The following SLC4A10 variants were observed in gnomAD, a reference collection of about 807,000 sequenced individuals.
The protein encoded by SLC4A10 is solute carrier family 4 member 10.
In SLC4A10, 42 loss-of-function variants were observed where a neutral mutation model predicts 137.7. The observed-to-expected ratio is 0.30, with a 90% CI of 0.24 to 0.39. SLC4A10 has a LOEUF of 0.39. SLC4A10 is among the 10% of genes least tolerant of loss of function. The pLI is 1.00. For synonymous variants in SLC4A10, 474 were observed against 464.1 expected (o/e 1.02, Z -0.27); for missense variants, 925 against 1,355.0 (o/e 0.68, Z 4.98).
At chr2:161,919,016 C>T (rs945682810) in intron 15 of SLC4A10, among the ~76,000 whole-genome samples, 2 of 152,218 alleles carry the variant, frequency 1.3e-5, no homozygotes, top group Admixed American at 1.3e-4. Flanking sequence ...GAAGCACTTG[C>T]TCCTGCTGTC....
intron 2 of SLC4A10, among the ~76,000 whole-genome samples, chr2:161,800,347 T>C (rs2055243382): frequency 6.6e-6 from 1 of 152,076 alleles, no homozygotes; most frequent in South Asian, 2.1e-4. Context: ...CTATCTATTA[T>C]ACTTGAAAAC....
intron 2 of SLC4A10, among the ~76,000 whole-genome samples, chr2:161,792,107 C>T (rs192362660): frequency 2.6e-5 from 4 of 152,234 alleles, no homozygotes. Flanking sequence ...GGCATAATAA[C>T]TCACTCACTA....
At chr2:161,765,638 G>A (rs1167038735) in intron 1 of SLC4A10, among the ~76,000 whole-genome samples, 1 of 151,324 alleles carries the variant, frequency 6.6e-6, no homozygotes, top group African/African-American at 2.4e-5. Flanking sequence ...GTATCCTGAT[G>A]GTGTACAAGG....
chr2:161,888,461 T>C (rs1038342036), intron 10 of SLC4A10, among the ~76,000 whole-genome samples: 1 of 152,210 alleles, frequency 6.6e-6, no homozygotes, highest in African/African-American at 2.4e-5. Flanking sequence ...TGTCCTCTCT[T>C]ATTTCCTCGA....
chr2:161,836,732 C>T (rs540439600), intron 3 of SLC4A10, among the ~76,000 whole-genome samples: 28 of 150,278 alleles, frequency 1.9e-4, no homozygotes, highest in African/African-American at 6.6e-4. Context: ...TAAACAAACA[C>T]CAAAACAAAA....
chr2:161,646,796 C>A (rs1266197772), intron 1 of SLC4A10, among the ~76,000 whole-genome samples: 1 of 151,880 alleles, frequency 6.6e-6, no homozygotes, highest in Admixed American at 6.6e-5. Context: ...TATTTTTTAT[C>A]CTTGACACAG....
intron 1 of SLC4A10, among the ~76,000 whole-genome samples, chr2:161,707,324 A>G (rs1031544745): frequency 4.0e-5 from 6 of 151,516 alleles, no homozygotes; most frequent in African/African-American, 1.5e-4. Flanking sequence ...GAGTGAAAGA[A>G]GGGAAACTAT....
intron 1 of SLC4A10, among the ~76,000 whole-genome samples, chr2:161,680,551 G>A (rs2040739115): frequency 6.6e-6 from 1 of 151,358 alleles, no homozygotes; most frequent in Non-Finnish European, 1.5e-5. Context: ...GTCAGATTAC[G>A]GAGGACCTTG....
chr2:161,891,308 G>A (rs1208051296), intron 10 of SLC4A10, among the ~76,000 whole-genome samples: 1 of 152,048 alleles, frequency 6.6e-6, no homozygotes, highest in Non-Finnish European at 1.5e-5. Flanking sequence ...TCTTTGTGGT[G>A]TTCTCTGTAT....
At chr2:161,966,616 G>A (rs1393200275) in intron 23 of SLC4A10, among the ~76,000 whole-genome samples, 2 of 151,960 alleles carry the variant, frequency 1.3e-5, no homozygotes, top group East Asian at 1.9e-4. Flanking sequence ...GGGCATGGTG[G>A]TGCACACCTG....
chr2:161,624,640 T>G, intron 1 of SLC4A10, 74 bp downstream of exon 1: 1 of 1,544,258 alleles, frequency 6.5e-7, no homozygotes, highest in South Asian at 1.2e-5. Context: ...GTCTGCTAGC[T>G]AGGTGCAGCG....
At chr2:161,895,659 A>G (rs1299372484) in intron 11 of SLC4A10, among the ~76,000 whole-genome samples, 6 of 152,140 alleles carry the variant, frequency 3.9e-5, no homozygotes, top group Admixed American at 1.3e-4. Flanking sequence ...TTCTCTGATG[A>G]CCAGTGATGA....
chr2:161,658,599 T>TTC (rs1277053792), intron 1 of SLC4A10, among the ~76,000 whole-genome samples: 8 of 147,704 alleles, frequency 5.4e-5, no homozygotes, highest in Non-Finnish European at 1.0e-4. Flanking sequence ...TAGTTTCCTT[T>TTC]TTTTTTTTTT....
chr2:161,808,541 A>G (rs763708464), intron 3 of SLC4A10, among the ~76,000 whole-genome samples: 1 of 151,966 alleles, frequency 6.6e-6, no homozygotes, highest in Non-Finnish European at 1.5e-5. Context: ...AGCACAGAGT[A>G]TAGTTTTACA....
chr2:161,656,260 G>A (rs2037517243), intron 1 of SLC4A10, among the ~76,000 whole-genome samples: 1 of 152,114 alleles, frequency 6.6e-6, no homozygotes, highest in South Asian at 2.1e-4. Flanking sequence ...TCTAGAAAAA[G>A]CATTTGACAA....
At chr2:161,721,947 CT>C (rs1261571713) in intron 1 of SLC4A10, among the ~76,000 whole-genome samples, 1 of 152,158 alleles carries the variant, frequency 6.6e-6, no homozygotes, top group Non-Finnish European at 1.5e-5. Context: ...TCTTCAAGCT[CT>C]GAGATTCTTT....
chr2:161,649,108 C>T (rs561962792), intron 1 of SLC4A10, among the ~76,000 whole-genome samples: 1 of 152,298 alleles, frequency 6.6e-6, no homozygotes, highest in South Asian at 2.1e-4. Flanking sequence ...GTGGCTCACG[C>T]CTGTAATCCC....
At chr2:161,845,505 A>G (rs2059434727) in intron 4 of SLC4A10, among the ~76,000 whole-genome samples, 1 of 152,062 alleles carries the variant, frequency 6.6e-6, no homozygotes. Context: ...ACTGTTTGGA[A>G]CTCCCTGAAG....
chr2:161,807,311 A>G (rs1282896855), intron 3 of SLC4A10, among the ~76,000 whole-genome samples: 1 of 152,146 alleles, frequency 6.6e-6, no homozygotes, highest in East Asian at 1.9e-4. Flanking sequence ...TCAGAATACC[A>G]CAATAAGTGT....
Sources: allele counts gnomAD v4.1 joint callset (sites outside exome capture counted in the v4.1 genomes callset), GRCh38; gene constraint gnomAD v4.1.1; transcripts MANE v1.5; gene names NCBI Gene and HGNC (gene_info 2026-07-23, HGNC 2026-07-21).